ITGA1: variants seen among roughly 807,000 people sequenced by gnomAD.
The protein encoded by ITGA1 is integrin alpha-1.
ITGA1 carries 85 observed loss-of-function variants against 145.9 expected under a neutral mutation model. That is an observed-to-expected ratio of 0.58 (90% CI 0.49 to 0.70). The LOEUF (loss-of-function observed/expected upper bound fraction) is 0.70, where lower values mean the gene tolerates loss of function less well. Ranked by LOEUF, ITGA1 falls within the 30% of genes least tolerant of loss-of-function variation. The pLI, the probability that ITGA1 is intolerant of heterozygous loss-of-function variation, is 0.00. For missense variants in ITGA1, 1,351 were observed against 1,418.7 expected (o/e 0.95, Z 0.77); for synonymous variants, 520 against 495.3 (o/e 1.05, Z -0.66).
At chr5:52,885,662 G>T (rs1750034774) in intron 7 of ITGA1, among the ~76,000 whole-genome samples, 1 of 152,198 alleles carries the variant, frequency 6.6e-6, no homozygotes, top group African/African-American at 2.4e-5. Context: ...ACCATAAGAA[G>T]TTCGGAAAGA....
rs184392399 is a variant in ITGA1 at position 52,845,411 on chromosome 5, C to T, written c.62-3954C>T. On this transcript the variant is annotated intron_variant, in intron 1 of 28. Coordinates refer to ENST00000282588, the MANE Select transcript of ITGA1 (RefSeq NM_181501.2). ...TCCAAACCTTAATAGGCAGGGCTGC[C>T]CTGGGGATCTCGTGGAAGCGTAGGT... Among the ~76,000 whole-genome samples the T allele has an allele frequency of 3.3e-5, 5 of 152,196 alleles. No homozygotes were observed. In the East Asian group the frequency reaches 9.6e-4, roughly 29 times the overall value.
chr5:52,898,404 TA>T (rs1274546808), intron 11 of ITGA1, 21 bp downstream of exon 11: 2 of 1,561,804 alleles, frequency 1.3e-6, no homozygotes, highest in South Asian at 2.4e-5. Context: ...GATATAATTA[TA>T]AAAGAGTTGT....
chr5:52,915,988 C>T (rs893730131), intron 15 of ITGA1, among the ~76,000 whole-genome samples: 4 of 152,268 alleles, frequency 2.6e-5, no homozygotes, highest in Non-Finnish European at 2.9e-5. Context: ...AACAGATAAT[C>T]GCGTAGCACT....
intron 1 of ITGA1, among the ~76,000 whole-genome samples, chr5:52,794,957 T>C (rs752187048): frequency 7.9e-5 from 12 of 152,020 alleles, no homozygotes; most frequent in Non-Finnish European, 1.8e-4. Flanking sequence ...GGGGAAGATG[T>C]ATTTTAAATT....
intron 1 of ITGA1, among the ~76,000 whole-genome samples, chr5:52,821,238 T>C (rs1012153274): frequency 3.9e-5 from 6 of 152,208 alleles, no homozygotes; most frequent in African/African-American, 1.4e-4. Flanking sequence ...GCCTTTAGTT[T>C]GCATTTTTAG....
chr5:52,819,375 AT>A (rs1355053327), intron 1 of ITGA1, among the ~76,000 whole-genome samples: 4 of 151,960 alleles, frequency 2.6e-5, no homozygotes, highest in African/African-American at 9.7e-5. Flanking sequence ...TGTGGTTTTG[AT>A]TTGCATTTCT....
intron 11 of ITGA1, among the ~76,000 whole-genome samples, chr5:52,899,218 C>A (rs1239633253): frequency 1.3e-5 from 2 of 152,142 alleles, no homozygotes; most frequent in African/African-American, 2.4e-5. Context: ...CACAGCTTCA[C>A]GTGTTAGCCT....
intron 17 of ITGA1, 87 bp downstream of exon 17, chr5:52,920,555 G>A (rs1579721038): frequency 1.8e-6 from 2 of 1,118,714 alleles, no homozygotes; most frequent in East Asian, 5.7e-5. Flanking sequence ...AATTCTTACT[G>A]TTTTATTTCA....
At chr5:52,948,042 A>G (rs1751161596) in intron 28 of ITGA1, among the ~76,000 whole-genome samples, 1 of 152,148 alleles carries the variant, frequency 6.6e-6, no homozygotes, top group South Asian at 2.1e-4. Flanking sequence ...ACAGACTCCT[A>G]TTTCAAATTC....
At chr5:52,806,788 TTTTAA>T (rs1357270143) in intron 1 of ITGA1, among the ~76,000 whole-genome samples, 3 of 152,226 alleles carry the variant, frequency 2.0e-5, no homozygotes, top group Non-Finnish European at 2.9e-5. Flanking sequence ...ATTATGAATG[TTTTAA>T]TTTAAATTGA....
At chr5:52,808,676 C>CTTTTTTTTTTTTTTTT (rs60113844) in intron 1 of ITGA1, among the ~76,000 whole-genome samples, 45 of 69,336 alleles carry the variant, frequency 6.5e-4, no homozygotes, top group East Asian at 8.5e-4. Context: ...TTCTTTCTTT[C>CTTTTTTTTTTTTTTTT]TTTTTTTTTT....
Position 52,922,800 on chromosome 5 carries a change from T to C in ITGA1, c.2316T>C (p.Ser772=), listed in dbSNP as rs778828623. ...AGGACAAGCATGACTTTCAGGACTC[T>C]GTGAGAATAACGTTGGACTTTAATC... ...YMLDKHDFQD[S]VRITLDFNLT... Residue 772 remains serine, a synonymous_variant, in exon 18 of 29, where the codon TCT becomes TCC. Coordinates refer to ENST00000282588, the MANE Select transcript of ITGA1 (RefSeq NM_181501.2). The C allele has an allele frequency of 3.7e-6, 6 of 1,612,308 alleles. No individual in the cohort carries two copies. In the East Asian group the frequency reaches 8.9e-5, roughly 24 times the overall value.
chr5:52,842,585 C>T (rs1043448019), intron 1 of ITGA1, among the ~76,000 whole-genome samples: 4 of 151,724 alleles, frequency 2.6e-5, no homozygotes, highest in Non-Finnish European at 4.4e-5. Flanking sequence ...GTATTTCTTG[C>T]AGCAATTAAT....
intron 6 of ITGA1, among the ~76,000 whole-genome samples, chr5:52,881,654 G>C (rs150372940): frequency 6.6e-6 from 1 of 152,184 alleles, no homozygotes; most frequent in Non-Finnish European, 1.5e-5. Flanking sequence ...TAAACCAATC[G>C]TTTGAGAAGT....
chr5:52,886,300 C>T (rs912594908), intron 7 of ITGA1, among the ~76,000 whole-genome samples: 2 of 152,160 alleles, frequency 1.3e-5, no homozygotes, highest in African/African-American at 4.8e-5. Context: ...GTCATATTTG[C>T]TTTAAGTCCT....
chr5:52,792,414 G>A (rs762054377), intron 1 of ITGA1, among the ~76,000 whole-genome samples: 1 of 152,146 alleles, frequency 6.6e-6, no homozygotes, highest in African/African-American at 2.4e-5. Context: ...GAATTCACGG[G>A]ATTTTTGTTT....
intron 1 of ITGA1, among the ~76,000 whole-genome samples, chr5:52,833,460 A>G (rs1749108737): frequency 6.6e-6 from 1 of 152,180 alleles, no homozygotes; most frequent in African/African-American, 2.4e-5. Flanking sequence ...GTTCCATAAA[A>G]CATTATGACA....
chr5:52,855,498 G>T (rs1184747067), intron 2 of ITGA1, among the ~76,000 whole-genome samples: 1 of 152,060 alleles, frequency 6.6e-6, no homozygotes, highest in East Asian at 1.9e-4. Flanking sequence ...CTTGGTACTA[G>T]TATGAGCACT....
intron 2 of ITGA1, among the ~76,000 whole-genome samples, chr5:52,860,781 A>T (rs950054612): frequency 2.6e-5 from 4 of 152,220 alleles, no homozygotes; most frequent in African/African-American, 7.2e-5. Context: ...GACTTGTTGG[A>T]ACTAAAATCA....
Sources: gnomAD v4.1 joint callset for allele counts (sites outside exome capture counted in the v4.1 genomes callset) on GRCh38, gnomAD v4.1.1 for gene constraint, MANE v1.5 for transcripts, NCBI Gene and HGNC (gene_info 2026-07-23, HGNC 2026-07-21) for gene names.